Variants in SAMD5 observed in about 807,000 individuals in gnomAD.
SAMD5 encodes sterile alpha motif domain-containing protein 5.
SAMD5 carries 13 observed loss-of-function variants against 11.3 expected under a neutral mutation model. The ratio of observed to expected loss-of-function variants is 1.15; its 90% confidence interval spans 0.75 to 1.83. The LOEUF is 1.83. Ranked by LOEUF, SAMD5 falls within the 40% of genes most tolerant of loss-of-function variation. The probability of loss-of-function intolerance (pLI) is 0.00; values close to 1 mark genes in which losing one functional copy is unlikely to be tolerated. For missense variants in SAMD5, 255 were observed against 239.1 expected (o/e 1.07, Z -0.44); for synonymous variants, 129 against 111.3 (o/e 1.16, Z -1.00).
the SAMD5 span, among the ~76,000 whole-genome samples, chr6:147,780,502 C>T: frequency 1.3e-5 from 2 of 152,108 alleles, no homozygotes; most frequent in East Asian, 1.9e-4. Context: ...GCCACTGCAC[C>T]GGGCCTATAA....
intron 1 of SAMD5, among the ~76,000 whole-genome samples, chr6:147,562,480 AT>A: frequency 6.6e-6 from 1 of 152,258 alleles, no homozygotes; most frequent in South Asian, 2.1e-4. Context: ...AGTAAATGCA[AT>A]TTTTGGTGTT....
chr6:147,819,809 A>G, the SAMD5 span, among the ~76,000 whole-genome samples: 1 of 152,210 alleles, frequency 6.6e-6, no homozygotes, highest in Non-Finnish European at 1.5e-5. Context: ...AAAAATTGCT[A>G]GAGTTAAGAA....
chr6:147,763,918 A>G, the SAMD5 span, among the ~76,000 whole-genome samples: 1 of 152,046 alleles, frequency 6.6e-6, no homozygotes, highest in Non-Finnish European at 1.5e-5. Flanking sequence ...TATCTCGATT[A>G]CTGAGATTTG....
At chr6:147,877,122 T>G in the SAMD5 span, among the ~76,000 whole-genome samples, 2 of 152,160 alleles carry the variant, frequency 1.3e-5, no homozygotes, top group African/African-American at 4.8e-5. Context: ...AGATCTTACT[T>G]TATAAGGTTG....
At position 147,604,286 on chromosome 6, in the gene SAMD5, C is replaced by T. The variant is rs548687908; in HGVS notation, c.162+94899C>T. 4.0e-5 allele frequency among the ~76,000 whole-genome samples: 6 copies of T among 151,640 alleles called. No individual in the cohort carries two copies. The East Asian group carries it at 9.7e-4, about 25-fold the overall frequency. On this transcript the variant is annotated intron_variant, in intron 1 of 1. Coordinates refer to the SAMD5 transcript ENST00000566741. ...TTATTCTTAGATCAGTGAAAAGTCTCATTTTTAACATTGCCCTTAATTGTT... is the reference window on the plus strand; with the variant it reads ...TTATTCTTAGATCAGTGAAAAGTCTTATTTTTAACATTGCCCTTAATTGTT...
intron 1 of SAMD5, among the ~76,000 whole-genome samples, chr6:147,562,593 C>T (rs549767751): frequency 7.2e-5 from 11 of 152,246 alleles, no homozygotes; most frequent in East Asian, 1.9e-4. Context: ...GAGGCTGAGG[C>T]GGGTGGATCA....
At chr6:147,518,599 C>T (rs977521265) in intron 1 of SAMD5, among the ~76,000 whole-genome samples, 45 of 152,128 alleles carry the variant, frequency 3.0e-4, no homozygotes, top group African/African-American at 1.1e-3. Flanking sequence ...AAGGGCCATC[C>T]TGAGGTGAAG....
chr6:147,664,076 C>G (rs1790684198), intron 1 of SAMD5, among the ~76,000 whole-genome samples: 1 of 152,074 alleles, frequency 6.6e-6, no homozygotes, highest in South Asian at 2.1e-4. Context: ...CTGGCAATTT[C>G]TCAGCAGTAT....
intron 1 of SAMD5, among the ~76,000 whole-genome samples, chr6:147,580,873 A>G (rs1332470815): frequency 1.3e-5 from 2 of 151,488 alleles, no homozygotes; most frequent in Admixed American, 1.3e-4. Flanking sequence ...AGAGAATGTC[A>G]CTCTTTGTCT....
chr6:147,528,727 C>T (rs143044538), intron 1 of SAMD5, among the ~76,000 whole-genome samples: 414 of 152,296 alleles, frequency 2.7e-3, no homozygotes, highest in African/African-American at 9.5e-3. Flanking sequence ...GCTGATGAAA[C>T]TAGGTGGTTG....
the SAMD5 span, among the ~76,000 whole-genome samples, chr6:147,871,136 T>TC: frequency 1.3e-5 from 2 of 152,184 alleles, no homozygotes; most frequent in Admixed American, 1.3e-4. Flanking sequence ...TCTCCCTAGA[T>TC]CAAGTCACCA....
the SAMD5 span, among the ~76,000 whole-genome samples, chr6:147,882,040 G>A: frequency 5.3e-4 from 81 of 152,218 alleles, no homozygotes; most frequent in African/African-American, 1.6e-3. Flanking sequence ...GTGTGTATTC[G>A]TTTATAAGAT....
intron 1 of SAMD5, among the ~76,000 whole-genome samples, chr6:147,646,749 G>T (rs189951843): frequency 1.3e-5 from 2 of 151,860 alleles, no homozygotes; most frequent in African/African-American, 4.8e-5. Context: ...TTCACTTTGG[G>T]TTACCATAGA....
the SAMD5 span, among the ~76,000 whole-genome samples, chr6:147,891,799 A>G: frequency 1.3e-5 from 2 of 151,916 alleles, no homozygotes; most frequent in African/African-American, 4.8e-5. Flanking sequence ...CAAAAAAAAA[A>G]CCTAGAGCTT....
intron 1 of SAMD5, among the ~76,000 whole-genome samples, chr6:147,554,688 C>G (rs144765245): frequency 6.9e-4 from 105 of 152,296 alleles, no homozygotes; most frequent in African/African-American, 2.3e-3. Context: ...CTTCCCAGTT[C>G]CTTGGACTGA....
the SAMD5 span, among the ~76,000 whole-genome samples, chr6:147,824,268 C>G: frequency 1.3e-5 from 2 of 152,162 alleles, no homozygotes; most frequent in Non-Finnish European, 2.9e-5. Flanking sequence ...AATTGTGGGC[C>G]TAAATTTGAT....
At chr6:147,868,113 C>T in the SAMD5 span, among the ~76,000 whole-genome samples, 1 of 152,142 alleles carries the variant, frequency 6.6e-6, no homozygotes, top group Admixed American at 6.6e-5. Flanking sequence ...TATTTTGGAA[C>T]AGATTGATTT....
At chr6:147,585,679 A>G (rs923651033) in intron 1 of SAMD5, among the ~76,000 whole-genome samples, 1 of 152,220 alleles carries the variant, frequency 6.6e-6, no homozygotes, top group Non-Finnish European at 1.5e-5. Context: ...AGCCCCATAT[A>G]CAATATTAAA....
At chr6:147,685,765 CAT>C (rs1791002049) in intron 1 of SAMD5, among the ~76,000 whole-genome samples, 1 of 152,002 alleles carries the variant, frequency 6.6e-6, no homozygotes. Context: ...TGTAGAACAT[CAT>C]GTGGGTTTAT....
Sources: allele counts gnomAD v4.1 joint callset (sites outside exome capture counted in the v4.1 genomes callset), GRCh38; gene constraint gnomAD v4.1.1; transcripts MANE v1.5; gene names NCBI Gene and HGNC (gene_info 2026-07-23, HGNC 2026-07-21).